Variants in PTPRD observed in about 807,000 individuals in gnomAD.
PTPRD encodes protein tyrosine phosphatase receptor type D, also known as receptor-type tyrosine-protein phosphatase delta.
In PTPRD, 34 loss-of-function variants were observed where a neutral mutation model predicts 214.5. The ratio of observed to expected loss-of-function variants is 0.16; its 90% CI spans 0.12 to 0.21. PTPRD has a LOEUF of 0.21. PTPRD is among the 10% of genes least tolerant of loss of function. PTPRD has a pLI of 1.00. For synonymous variants in PTPRD, 1,128 were observed against 845.7 expected (o/e 1.33, Z -5.79); for missense variants, 2,545 against 2,398.7 (o/e 1.06, Z -1.27).
chr9:10,284,687 G>A (rs2095280891), intron 3 of PTPRD, among the ~76,000 whole-genome samples: 1 of 152,104 alleles, frequency 6.6e-6, no homozygotes, highest in Admixed American at 6.5e-5. Context: ...CTCTTATGAG[G>A]CTCAGGGTCT....
intron 41 of PTPRD, 129 bp from the exon 42 acceptor site, chr9:8,340,598 T>A (rs1851560110): frequency 1.1e-6 from 1 of 903,236 alleles, no homozygotes; most frequent in African/African-American, 1.6e-5. Context: ...TGAGGTAAAT[T>A]CCTGCTAAGA....
intron 11 of PTPRD, among the ~76,000 whole-genome samples, chr9:8,802,183 G>C (rs1397773265): frequency 6.6e-6 from 1 of 152,092 alleles, no homozygotes; most frequent in Non-Finnish European, 1.5e-5. Flanking sequence ...TCTAACTAGA[G>C]AAAGAAATAC....
intron 7 of PTPRD, among the ~76,000 whole-genome samples, chr9:9,694,241 G>T (rs2097329052): frequency 6.6e-6 from 1 of 151,596 alleles, no homozygotes; most frequent in South Asian, 2.1e-4. Context: ...TGTCCTTCTT[G>T]GGAAGGTTTT....
intron 2 of PTPRD, among the ~76,000 whole-genome samples, chr9:10,465,215 C>T (rs1354463167): frequency 6.6e-6 from 1 of 152,106 alleles, no homozygotes; most frequent in Non-Finnish European, 1.5e-5. Flanking sequence ...AGATCATTAG[C>T]ACACACAACA....
At chr9:9,797,840 C>T (rs926275744) in intron 5 of PTPRD, among the ~76,000 whole-genome samples, 2 of 151,590 alleles carry the variant, frequency 1.3e-5, no homozygotes, top group African/African-American at 4.9e-5. Flanking sequence ...AACAGCGAGA[C>T]TTAATCTCAA....
chr9:9,573,536 C>T (rs2087273044), intron 8 of PTPRD, among the ~76,000 whole-genome samples: 1 of 151,430 alleles, frequency 6.6e-6, no homozygotes, highest in Non-Finnish European at 1.5e-5. Context: ...ATAATTAAAA[C>T]ACTGGAGATA....
chr9:10,530,261 A>G (rs1318198039), intron 2 of PTPRD, among the ~76,000 whole-genome samples: 1 of 142,496 alleles, frequency 7.0e-6, no homozygotes, highest in Non-Finnish European at 1.5e-5. Flanking sequence ...AGTAGGTTTT[A>G]TACTTAGTTC....
chr9:8,391,238 G>A (rs563464373), intron 36 of PTPRD, among the ~76,000 whole-genome samples: 3 of 152,088 alleles, frequency 2.0e-5, no homozygotes, highest in South Asian at 4.1e-4. Context: ...TTCTGATTCC[G>A]GTTGTAAAGT....
intron 8 of PTPRD, among the ~76,000 whole-genome samples, chr9:9,413,139 G>A (rs1172672032): frequency 1.2e-5 from 1 of 84,850 alleles, no homozygotes; most frequent in Non-Finnish European, 2.1e-5. Flanking sequence ...ACGGAGTCTC[G>A]CTCTGTCGCC....
At chr9:9,671,035 T>C (rs139715518) in intron 7 of PTPRD, among the ~76,000 whole-genome samples, 241 of 152,116 alleles carry the variant, frequency 1.6e-3, no homozygotes, top group Non-Finnish European at 2.6e-3. Context: ...CACCAACAGC[T>C]TGCACCATTC....
chr9:8,666,846 C>G (rs928020964), intron 12 of PTPRD, among the ~76,000 whole-genome samples: 12 of 152,292 alleles, frequency 7.9e-5, no homozygotes, highest in African/African-American at 2.4e-4. Context: ...CTTTGGCCAT[C>G]CATGACCTCC....
intron 7 of PTPRD, among the ~76,000 whole-genome samples, chr9:9,644,377 A>G (rs1167626278): frequency 6.6e-6 from 1 of 152,180 alleles, no homozygotes; most frequent in Non-Finnish European, 1.5e-5. Context: ...AACCAGTATC[A>G]TCAATCATGA....
At chr9:9,589,707 T>C (rs1027906973) in intron 7 of PTPRD, among the ~76,000 whole-genome samples, 3 of 152,008 alleles carry the variant, frequency 2.0e-5, no homozygotes, top group African/African-American at 4.8e-5. Context: ...CATTATTTCA[T>C]AGAGCTTTAC....
At position 9,341,337 on chromosome 9, in the gene PTPRD, G is replaced by A. The variant is rs547858498; in HGVS notation, c.-203+56112C>T. 2.0e-3 allele frequency among the ~76,000 whole-genome samples: 301 copies of A among 152,150 alleles called. 2 individuals are homozygous for A. Among genetic ancestry groups the A allele is most frequent in the African/African-American group, 6.6e-3 (276 of 41,524 alleles). On this transcript the variant is annotated intron_variant, in intron 9 of 45. Transcript: ENST00000381196. Reference sequence around the variant, plus strand: ...GGGCTCTGAAAGAAATCCTTTGTTAGAAACTCTCCATTCAGTTGTTGCTCC... The same window carrying A: ...GGGCTCTGAAAGAAATCCTTTGTTAAAAACTCTCCATTCAGTTGTTGCTCC...
chr9:8,373,913 TCTAC>T (rs151277325), intron 39 of PTPRD, among the ~76,000 whole-genome samples: 3 of 78,500 alleles, frequency 3.8e-5, no homozygotes, highest in Non-Finnish European at 7.1e-5. Context: ...TATCTATCTA[TCTAC>T]CTACCTACCT....
At chr9:9,739,800 T>G (rs551479052) in intron 6 of PTPRD, among the ~76,000 whole-genome samples, 5 of 151,432 alleles carry the variant, frequency 3.3e-5, no homozygotes, top group East Asian at 2.1e-4. Flanking sequence ...ACTTATATTA[T>G]TTTTCTGCCT....
At chr9:10,577,434 T>C (rs1051363065) in intron 2 of PTPRD, among the ~76,000 whole-genome samples, 1 of 152,204 alleles carries the variant, frequency 6.6e-6, no homozygotes, top group Non-Finnish European at 1.5e-5. Flanking sequence ...AATAATCAGC[T>C]TTGGCTTTTA....
At chr9:9,557,382 T>C (rs1186186496) in intron 8 of PTPRD, among the ~76,000 whole-genome samples, 1 of 152,150 alleles carries the variant, frequency 6.6e-6, no homozygotes, top group Non-Finnish European at 1.5e-5. Context: ...AACTCTAACA[T>C]AGCATTGCAT....
intron 11 of PTPRD, among the ~76,000 whole-genome samples, chr9:8,840,967 A>C (rs142977919): frequency 1.3e-5 from 2 of 152,284 alleles, no homozygotes; most frequent in Non-Finnish European, 2.9e-5. Context: ...TCCTTAACTG[A>C]GAGTCCCCAG....
Sources: gnomAD v4.1 joint callset for allele counts (sites outside exome capture counted in the v4.1 genomes callset) on GRCh38, gnomAD v4.1.1 for gene constraint, MANE v1.5 for transcripts, NCBI Gene and HGNC (gene_info 2026-07-23, HGNC 2026-07-21) for gene names.